Variants in CCNY observed in about 807,000 individuals in gnomAD.
CCNY encodes cyclin-Y.
Under a neutral mutation model 42.8 loss-of-function variants are expected in CCNY, and 19 were observed. The ratio of observed to expected loss-of-function variants is 0.44; its 90% CI spans 0.31 to 0.65. The LOEUF is 0.65. Ranked by LOEUF, CCNY falls within the 30% of genes least tolerant of loss-of-function variation. The pLI is 0.07. For synonymous variants in CCNY, 165 were observed against 162.7 expected (o/e 1.01, Z -0.11); for missense variants, 370 against 437.3 (o/e 0.85, Z 1.37).
chr10:35,450,731 A>G (rs909682840), intron 1 of CCNY, among the ~76,000 whole-genome samples: 4 of 150,964 alleles, frequency 2.6e-5, no homozygotes, highest in South Asian at 2.1e-4. Context: ...CCTTTTGTGT[A>G]TCAGTATTTC....
intron 3 of CCNY, among the ~76,000 whole-genome samples, chr10:35,276,391 A>T (rs1835239107): frequency 6.6e-6 from 1 of 151,918 alleles, no homozygotes; most frequent in Admixed American, 6.6e-5. Flanking sequence ...TTATTTATTT[A>T]TTCTTATTTT....
chr10:35,425,620 C>T (rs1233730920), intron 1 of CCNY, among the ~76,000 whole-genome samples: 1 of 151,954 alleles, frequency 6.6e-6, no homozygotes, highest in African/African-American at 2.4e-5. Flanking sequence ...AAGAATGCAC[C>T]AATGTTTGTT....
chr10:35,301,929 A>G (rs1407742865), intron 3 of CCNY, among the ~76,000 whole-genome samples: 3 of 149,426 alleles, frequency 2.0e-5, no homozygotes, highest in African/African-American at 7.3e-5. Context: ...CACCCCGCCC[A>G]GCCTTCATTG....
intron 3 of CCNY, among the ~76,000 whole-genome samples, chr10:35,266,396 G>T (rs2095725407): frequency 6.6e-6 from 1 of 151,636 alleles, no homozygotes; most frequent in South Asian, 2.1e-4. Flanking sequence ...CACCACCCCT[G>T]GCCCCAGATA....
chr10:35,294,234 T>G (rs1399451828), intron 3 of CCNY, among the ~76,000 whole-genome samples: 2 of 152,224 alleles, frequency 1.3e-5, no homozygotes, highest in Non-Finnish European at 2.9e-5. Context: ...TATTTCTTCC[T>G]TTCCAATCTG....
chr10:35,469,299 A>G (rs1589140623), intron 1 of CCNY, among the ~76,000 whole-genome samples: 1 of 152,258 alleles, frequency 6.6e-6, no homozygotes, highest in Non-Finnish European at 1.5e-5. Flanking sequence ...TGCATGTAGC[A>G]TGAGAGCTTT....
At chr10:35,469,138 C>T (rs999207618) in intron 1 of CCNY, among the ~76,000 whole-genome samples, 2 of 152,180 alleles carry the variant, frequency 1.3e-5, no homozygotes, top group Admixed American at 1.3e-4. Flanking sequence ...TTAGTCAAAA[C>T]CCAAGACCAG....
At chr10:35,253,940 A>G (rs1036169431) in intron 3 of CCNY, among the ~76,000 whole-genome samples, 1 of 137,092 alleles carries the variant, frequency 7.3e-6, no homozygotes, top group Admixed American at 7.9e-5. Flanking sequence ...TAGTGGTGTG[A>G]TCTCGGCTCA....
At chr10:35,541,553 A>T (rs922934672) in intron 7 of CCNY, among the ~76,000 whole-genome samples, 13 of 152,072 alleles carry the variant, frequency 8.5e-5, no homozygotes, top group Admixed American at 5.2e-4. Context: ...GTGCACCTTC[A>T]TACTTGCTTA....
At chr10:35,277,372 T>A (rs937887474) in intron 3 of CCNY, among the ~76,000 whole-genome samples, 3 of 152,172 alleles carry the variant, frequency 2.0e-5, no homozygotes, top group African/African-American at 7.2e-5. Context: ...AGTATTCCCA[T>A]CTCAAGTCTC....
chr10:35,464,640 GC>G (rs1243813465), intron 1 of CCNY, among the ~76,000 whole-genome samples: 2 of 151,020 alleles, frequency 1.3e-5, no homozygotes, highest in Non-Finnish European at 2.9e-5. Flanking sequence ...TCCCTTGTTA[GC>G]CTGGGTAACT....
chr10:35,374,486 T>C (rs556313003), intron 1 of CCNY, among the ~76,000 whole-genome samples: 2 of 152,186 alleles, frequency 1.3e-5, no homozygotes, highest in African/African-American at 2.4e-5. Flanking sequence ...TGAGTACATA[T>C]TAATTTTTAG....
intron 1 of CCNY, among the ~76,000 whole-genome samples, chr10:35,464,197 C>T (rs544548525): frequency 1.3e-5 from 2 of 152,314 alleles, no homozygotes; most frequent in Admixed American, 1.3e-4. Flanking sequence ...TGTGCCTTAG[C>T]CCAGTGCATG....
intron 3 of CCNY, among the ~76,000 whole-genome samples, chr10:35,257,376 C>T (rs747370553): frequency 4.7e-5 from 7 of 150,420 alleles, no homozygotes; most frequent in African/African-American, 1.5e-4. Context: ...CTCCTGGGCT[C>T]GGGTGATCCT....
intron 3 of CCNY, among the ~76,000 whole-genome samples, chr10:35,325,349 T>A (rs964624452): frequency 2.6e-5 from 4 of 152,086 alleles, no homozygotes; most frequent in Non-Finnish European, 4.4e-5. Context: ...TGGCTAATTT[T>A]TTTATTTTTA....
At chr10:35,425,855 T>C (rs1838253611) in intron 1 of CCNY, among the ~76,000 whole-genome samples, 1 of 152,142 alleles carries the variant, frequency 6.6e-6, no homozygotes, top group Admixed American at 6.5e-5. Context: ...CAACAAAAAC[T>C]TACCCTTGTT....
At chr10:35,503,418 C>T (rs1421870315) in intron 3 of CCNY, among the ~76,000 whole-genome samples, 2 of 152,200 alleles carry the variant, frequency 1.3e-5, no homozygotes, top group Non-Finnish European at 1.5e-5. Flanking sequence ...TGTGAACAGA[C>T]CTCGCTGCAA....
At chr10:35,503,559 T>G (rs1840154527) in intron 3 of CCNY, among the ~76,000 whole-genome samples, 1 of 152,196 alleles carries the variant, frequency 6.6e-6, no homozygotes, top group Admixed American at 6.5e-5. Context: ...CTTTTCAGGT[T>G]TTGAAACTTA....
In CCNY at chr10:35,552,676, G is replaced by A. The variant is rs188165403; in HGVS notation, c.580-343G>A. On this transcript the variant is annotated intron_variant, in intron 7 of 9. Transcript: ENST00000374704. ...AAAACCCTACAAACAAAAAAAAAGT[G>A]TATTCTCTATACATTCTCTGTCCTT... Among the ~76,000 whole-genome samples the A allele has an allele frequency of 1.5e-3, 221 of 152,292 alleles. 2 individuals are homozygous for A. Among genetic ancestry groups the A allele is most frequent in the Non-Finnish European group, 2.4e-3 (165 of 68,014 alleles).
Sources: allele counts gnomAD v4.1 joint callset (sites outside exome capture counted in the v4.1 genomes callset), GRCh38; gene constraint gnomAD v4.1.1; transcripts MANE v1.5; gene names NCBI Gene and HGNC (gene_info 2026-07-23, HGNC 2026-07-21).